The following SETD7 variants were observed in gnomAD, a reference collection of about 807,000 sequenced individuals.
SETD7 encodes the protein histone-lysine N-methyltransferase SETD7.
Under a neutral mutation model 41.8 loss-of-function variants are expected in SETD7, and 16 were observed. That is an observed-to-expected ratio of 0.38 (90% CI 0.26 to 0.58). SETD7 has a LOEUF of 0.58. Ranked by LOEUF, SETD7 falls within the 20% of genes least tolerant of loss-of-function variation. The pLI, the probability that SETD7 is intolerant of heterozygous loss-of-function variation, is 0.64. For missense variants in SETD7, 346 were observed against 459.7 expected (o/e 0.75, Z 2.26); for synonymous variants, 163 against 169.7 (o/e 0.96, Z 0.31).
At chr4:139,497,543 A>G (rs892910137) in intron 7 of SETD7, among the ~76,000 whole-genome samples, 1 of 152,084 alleles carries the variant, frequency 6.6e-6, no homozygotes, top group African/African-American at 2.4e-5. Flanking sequence ...CAACCTGATG[A>G]TAGGAAAGAA....
chr4:139,502,449 T>G (rs1317976780), downstream of SETD7, among the ~76,000 whole-genome samples: 1 of 152,212 alleles, frequency 6.6e-6, no homozygotes, highest in Admixed American at 6.5e-5. Context: ...GCAGAGCCTG[T>G]GGCTCTCTGG....
intron 1 of SETD7, among the ~76,000 whole-genome samples, chr4:139,547,654 G>A (rs909244998): frequency 4.6e-5 from 7 of 152,174 alleles, no homozygotes; most frequent in Non-Finnish European, 1.0e-4. Context: ...CTTTAAAACT[G>A]CCCTAAGATT....
intron 5 of SETD7, among the ~76,000 whole-genome samples, chr4:139,522,426 A>C (rs1186438838): frequency 6.6e-6 from 1 of 152,240 alleles, no homozygotes; most frequent in Non-Finnish European, 1.5e-5. Flanking sequence ...TAAATAAGAC[A>C]TGAAGTAGAA....
In SETD7 at chr4:139,506,799, G is replaced by A. The variant is rs1368393735; in HGVS notation, c.*4864C>T. ...CAGGAGAGTTGGGAGGTATGTCCTA[G>A]GGATGTGATTGACTCTTGACATTTA... On this transcript the variant is annotated 3_prime_UTR_variant, in exon 8 of 8. Transcript: ENST00000274031. 2 of 152,604 alleles carry A rather than the reference G, an allele frequency of 1.3e-5. No homozygotes were observed. Among genetic ancestry groups the A allele is most frequent in the Non-Finnish European group, 2.9e-5 (2 of 68,036 alleles). 9.5% of individuals were successfully genotyped at this position (152,604 alleles called of 1,614,324 possible).
chr4:139,547,640 A>G (rs1439421197), intron 1 of SETD7, among the ~76,000 whole-genome samples: 1 of 152,254 alleles, frequency 6.6e-6, no homozygotes, highest in African/African-American at 2.4e-5. Flanking sequence ...GAACAGTGTC[A>G]TATCTTTAAA....
chr4:139,513,211 G>A (rs539135423), intron 7 of SETD7, among the ~76,000 whole-genome samples: 9 of 151,880 alleles, frequency 5.9e-5, no homozygotes, highest in African/African-American at 2.2e-4. Flanking sequence ...CTTGAGGTCA[G>A]GAGTTGGAGA....
chr4:139,496,236 C>A, exon 8 of SETD7: 2 of 551,570 alleles, frequency 3.6e-6, no homozygotes, highest in Non-Finnish European at 6.4e-6. Flanking sequence ...TTAGGTATCT[C>A]TTTTCAGATC....
intron 4 of SETD7, among the ~76,000 whole-genome samples, chr4:139,526,829 C>T (rs1012571091): frequency 3.9e-5 from 6 of 152,218 alleles, no homozygotes; most frequent in African/African-American, 1.4e-4. Flanking sequence ...AATTGGGATC[C>T]TCCCTTGTTT....
rs1726885943 is a variant in SETD7 at position 139,511,802 on chromosome 4, G to C, written c.962C>G (p.Thr321Ser). ...TTCATCGGCCTCCACTGCTCTCAGG[G>C]TGCGGATGCATTTGATGGGCCCAAA... ...PRFGPIKCIR[T>S]LRAVEADEEL... The change falls in exon 8 of 8, where the codon ACC becomes AGC. Residue 321 changes from threonine to serine, a missense_variant. Physicochemically the swap from Thr to Ser is moderately conservative, Grantham distance 58. This residue lies in a region of SETD7 where 75 missense variants were observed against 65.5 expected (regional missense o/e 1.14). Transcript: ENST00000274031. 2 of 1,613,980 alleles carry C rather than the reference G, an allele frequency of 1.2e-6. No homozygotes were observed. The highest frequency in any genetic ancestry group is 1.7e-6 in the Non-Finnish European group (2 of 1,179,958).
chr4:139,546,975 T>A lies in SETD7; in HGVS notation c.115A>T (p.Asn39Tyr). The change falls in exon 2 of 8, where the codon AAC becomes TAC. Residue 39 changes from asparagine to tyrosine, a missense_variant. By Grantham distance (143) the Asn-to-Tyr change is moderately radical (BLOSUM62 -2). Transcript: ENST00000274031. ...TYSSTDRFEG[N>Y]FVHGEKNGRG... ...CCGTTCTTTTCTCCGTGAACAAAGT[T>A]CCCCTCAAATCTGTCTGTGGAGGAG... 6.2e-7 allele frequency: 1 copy of A among 1,614,164 alleles called. No individual in the cohort carries two copies. The highest frequency in any genetic ancestry group is 8.5e-7 in the Non-Finnish European group (1 of 1,180,036).
chr4:139,497,328 A>G (rs1423469977), intron 7 of SETD7, among the ~76,000 whole-genome samples: 1 of 151,780 alleles, frequency 6.6e-6, no homozygotes, highest in African/African-American at 2.4e-5. Context: ...GGTGGCAGGC[A>G]CCTGTAATCC....
At chr4:139,546,818 A>T in intron 2 of SETD7, 102 bp downstream of exon 2, 1 of 1,518,354 alleles carries the variant, frequency 6.6e-7, no homozygotes, top group South Asian at 1.1e-5. Flanking sequence ...CCCATTGAAT[A>T]AATTGTAGAA....
In SETD7 at chr4:139,546,948, G is replaced by A. The variant is rs201937432; in HGVS notation, c.142C>T (p.Arg48Trp). Reference protein sequence around the residue: ...GNFVHGEKNGRGKFFFFDGST... With the variant: ...GNFVHGEKNGWGKFFFFDGST... The stretch of plus-strand genomic sequence containing the variant: ...CCATCAAAGAAGAAGAACTTCCCCC[G>A]TCCGTTCTTTTCTCCGTGAACAAAG... Residue 48 changes from arginine (R) to tryptophan (W), a missense_variant, in exon 2 of 8, where the codon CGG (arginine) becomes TGG (tryptophan). By Grantham distance (101) the Arg-to-Trp change is moderately radical. Coordinates refer to ENST00000274031, the MANE Select transcript of SETD7 (RefSeq NM_030648.4). 3.1e-5 allele frequency: 50 copies of A among 1,614,002 alleles called. No individual in the cohort carries two copies. Among genetic ancestry groups the A allele is most frequent in the South Asian group, 1.3e-4 (12 of 91,088 alleles).
At chr4:139,523,482 A>G (rs1305638061) in intron 4 of SETD7, 47 bp from the exon 5 acceptor site, 4 of 1,361,182 alleles carry the variant, frequency 2.9e-6, no homozygotes, top group Non-Finnish European at 3.1e-6. Context: ...GTTAGGGAAG[A>G]GCATTTATAA....
chr4:139,534,034 G>A (rs1727568078), intron 2 of SETD7, among the ~76,000 whole-genome samples: 2 of 152,210 alleles, frequency 1.3e-5, no homozygotes, highest in African/African-American at 4.8e-5. Flanking sequence ...GCCAGTAGGG[G>A]CAAGTAAGGA....
At chr4:139,498,008 C>T (rs542642253) in intron 7 of SETD7, among the ~76,000 whole-genome samples, 3 of 152,148 alleles carry the variant, frequency 2.0e-5, no homozygotes, top group Non-Finnish European at 4.4e-5. Context: ...GAAATAAAAA[C>T]TGGGAAAGTG....
intron 2 of SETD7, among the ~76,000 whole-genome samples, chr4:139,535,437 A>G (rs1358153556): frequency 6.6e-6 from 1 of 152,228 alleles, no homozygotes; most frequent in African/African-American, 2.4e-5. Context: ...GACTCTCAGC[A>G]GCATTCAAAA....
chr4:139,509,846 A>G lies in SETD7; in HGVS notation c.*1817T>C. The G allele has an allele frequency of 3.0e-6, 3 of 985,464 alleles. No homozygotes were observed. Among genetic ancestry groups the G allele is most frequent in the Non-Finnish European group, 3.6e-6 (3 of 829,978 alleles). The allele number at this position is 985,464 out of a possible 1,614,324, so 61.0% of individuals were successfully genotyped here. On this transcript the variant is annotated 3_prime_UTR_variant, in exon 8 of 8. Coordinates refer to ENST00000274031, the MANE Select transcript of SETD7 (RefSeq NM_030648.4). Reference sequence around the variant, plus strand: ...GGCAATCTTCCTGGAAGCACTGACAACTTCCTCTCATGGGTGAACCATTGG... The same window carrying G: ...GGCAATCTTCCTGGAAGCACTGACAGCTTCCTCTCATGGGTGAACCATTGG...
At chr4:139,526,697 A>T (rs901127419) in intron 4 of SETD7, among the ~76,000 whole-genome samples, 8 of 152,228 alleles carry the variant, frequency 5.3e-5, no homozygotes, top group African/African-American at 1.7e-4. Flanking sequence ...GAAAAAATAA[A>T]TAACTTGCCC....
Sources: allele counts gnomAD v4.1 joint callset (sites outside exome capture counted in the v4.1 genomes callset), GRCh38; gene constraint gnomAD v4.1.1; regional missense constraint gnomAD v4.1.1; transcripts MANE v1.5; gene names NCBI Gene and HGNC (gene_info 2026-07-23, HGNC 2026-07-21).